Variants in ANK1 observed in about 807,000 individuals in gnomAD.
The protein encoded by ANK1 is ankyrin-1.
A neutral mutation model predicts 210.4 loss-of-function variants in ANK1; 51 were observed. The ratio of observed to expected loss-of-function variants is 0.24; its 90% CI spans 0.19 to 0.31. ANK1 has a LOEUF of 0.31. Ranked by LOEUF, ANK1 falls within the 10% of genes least tolerant of loss-of-function variation. The probability of loss-of-function intolerance (pLI) is 1.00; values close to 1 mark genes in which losing one functional copy is unlikely to be tolerated. For synonymous variants in ANK1, 967 were observed against 1,025.9 expected (o/e 0.94, Z 1.10); for missense variants, 2,051 against 2,504.4 (o/e 0.82, Z 3.86).
Position 41,694,819 on chromosome 8 carries a change from C to T in ANK1, c.3116-16G>A. The T allele has an allele frequency of 6.2e-7, 1 of 1,613,206 alleles. No homozygotes were observed. Among genetic ancestry groups the T allele is most frequent in the Non-Finnish European group, 8.5e-7 (1 of 1,179,462 alleles). On this transcript the variant is annotated splice_polypyrimidine_tract_variant and intron_variant, in intron 27 of 42. Coordinates refer to ENST00000289734, the MANE Select transcript of ANK1 (RefSeq NM_000037.4). This position sits in a 1 kb window ranked among gnomAD's most constrained non-coding sequence, Gnocchi z 5.7. ...CTCCCCAGCTCTGGAATCACACACA[C>T]AGGCCACCACCCCGGTCACATCAGG...
At chr8:41,785,911 C>T (rs1221674358) in intron 1 of ANK1, among the ~76,000 whole-genome samples, 2 of 152,194 alleles carry the variant, frequency 1.3e-5, no homozygotes, top group African/African-American at 2.4e-5. Context: ...TCATGCTTTC[C>T]GCACTGTCGG....
At chr8:41,664,776 G>A (rs1218611146) in intron 39 of ANK1, 1 of 1,576,700 alleles carries the variant, frequency 6.3e-7, no homozygotes, top group Non-Finnish European at 8.6e-7. Flanking sequence ...CACACCACCA[G>A]CCCTGCCGGC....
At chr8:41,815,767 A>G (rs115489277) in intron 1 of ANK1, among the ~76,000 whole-genome samples, 1,991 of 152,296 alleles carry the variant, frequency 0.013, 45 homozygotes, top group African/African-American at 0.046. Flanking sequence ...GTCACATAAC[A>G]TTTGATGACT....
intron 1 of ANK1, among the ~76,000 whole-genome samples, chr8:41,818,302 G>A (rs1187402018): frequency 6.6e-6 from 1 of 152,182 alleles, no homozygotes; most frequent in Non-Finnish European, 1.5e-5. Flanking sequence ...TTCTTCCAGA[G>A]GGTCAGGACC....
chr8:41,715,187 C>A (rs749529847), intron 14 of ANK1, 113 bp from the exon 15 acceptor site: 2 of 995,882 alleles, frequency 2.0e-6, no homozygotes, highest in Non-Finnish European at 3.1e-6. Flanking sequence ...CCAATGAAAG[C>A]AAAGGCACAG....
At chr8:41,657,420 C>G (rs1001954221) in intron 42 of ANK1, among the ~76,000 whole-genome samples, 1 of 152,200 alleles carries the variant, frequency 6.6e-6, no homozygotes, top group Non-Finnish European at 1.5e-5. Flanking sequence ...CACATAGGTG[C>G]TTAGCATTGT....
intron 37 of ANK1, among the ~76,000 whole-genome samples, chr8:41,683,664 T>C (rs1816816150): frequency 6.6e-6 from 1 of 152,104 alleles, no homozygotes; most frequent in African/African-American, 2.4e-5. Context: ...AGGGATCCAA[T>C]CCAACTTGCT....
intron 1 of ANK1, among the ~76,000 whole-genome samples, chr8:41,821,332 T>G (rs1804226009): frequency 6.6e-6 from 1 of 152,250 alleles, no homozygotes; most frequent in Non-Finnish European, 1.5e-5. Context: ...GGATGGTCTA[T>G]TTGTTTATAT....
chr8:41,693,674 C>CT (rs1449646470), intron 29 of ANK1, among the ~76,000 whole-genome samples: 1 of 152,110 alleles, frequency 6.6e-6, no homozygotes, highest in African/African-American at 2.4e-5. Context: ...ATCCACCCGC[C>CT]TTGGCATCCC....
chr8:41,853,480 T>C (rs1404549537), intron 1 of ANK1, among the ~76,000 whole-genome samples: 2 of 152,250 alleles, frequency 1.3e-5, no homozygotes, highest in African/African-American at 4.8e-5. Flanking sequence ...ATGTTTTTCT[T>C]CCTACGGGTA....
intron 42 of ANK1, among the ~76,000 whole-genome samples, chr8:41,659,560 C>G (rs965266105): frequency 1.3e-5 from 2 of 152,158 alleles, no homozygotes; most frequent in Non-Finnish European, 1.5e-5. Flanking sequence ...AATTAGGAAG[C>G]CTTTGGGCCC....
intron 1 of ANK1, among the ~76,000 whole-genome samples, chr8:41,877,744 C>T (rs749989806): frequency 1.3e-5 from 2 of 152,220 alleles, no homozygotes; most frequent in Non-Finnish European, 2.9e-5. Flanking sequence ...CGCTGGAGAG[C>T]AGTCGTCTGG....
rs1457736845 is a variant in ANK1 at position 41,655,015 on chromosome 8, A to G, written c.*775T>C. On this transcript the variant is annotated 3_prime_UTR_variant, in exon 43 of 43. Coordinates refer to ENST00000289734, the MANE Select transcript of ANK1 (RefSeq NM_000037.4). ...GATTTTCCATTGGAAGATGATTCGTATTGAAATTGGCAGAGAGAGAGACAA... is the reference window on the plus strand; with the variant it reads ...GATTTTCCATTGGAAGATGATTCGTGTTGAAATTGGCAGAGAGAGAGACAA... 2.0e-5 allele frequency: 3 copies of G among 152,502 alleles called. No individual in the cohort carries two copies. Among genetic ancestry groups the G allele is most frequent in the Admixed American group, 2.0e-4 (3 of 15,274 alleles). 9.4% of individuals were successfully genotyped at this position (152,502 alleles called of 1,614,324 possible).
At chr8:41,871,967 C>T (rs1356453022) in intron 1 of ANK1, among the ~76,000 whole-genome samples, 2 of 152,150 alleles carry the variant, frequency 1.3e-5, no homozygotes, top group East Asian at 3.9e-4. Flanking sequence ...AGGGTCCGGG[C>T]CAGGCACCCA....
chr8:41,766,143 C>T (rs945271485), intron 1 of ANK1, among the ~76,000 whole-genome samples: 9 of 152,214 alleles, frequency 5.9e-5, no homozygotes, highest in African/African-American at 9.7e-5. Flanking sequence ...CAGCCACTGT[C>T]AGAGCTCTCA....
In ANK1 at chr8:41,708,885, C is replaced by T. The variant is rs1825406258; in HGVS notation, c.1891G>A (p.Glu631Lys). The change falls in exon 17 of 43, where the codon GAG becomes AAG. Residue 631 changes from glutamate (E) to lysine (K), a missense_variant. Physicochemically the swap from Glu to Lys is moderately conservative, Grantham distance 56 (BLOSUM62 1). Around this residue, in one of 6 missense-constraint regions of ANK1, gnomAD observed 1,413 missense variants for 1,707.4 expected, o/e 0.83. Coordinates refer to ENST00000289734, the MANE Select transcript of ANK1 (RefSeq NM_000037.4). ...LLQYGGSANAESVQGVTPLHL... is the reference protein window; with the variant it reads ...LLQYGGSANAKSVQGVTPLHL... ...AGGGGCGTCACACCTTGCACCGACT[C>T]GGCGTTTGCTGAGCCCCCATACTGC... is the stretch of plus-strand genomic sequence containing the variant. 2 of 1,614,134 alleles carry T rather than the reference C, an allele frequency of 1.2e-6. No individual in the cohort carries two copies. Among genetic ancestry groups the T allele is most frequent in the Admixed American group, 1.7e-5 (1 of 60,012 alleles).
At chr8:41,689,237 C>T (rs777278657) in intron 33 of ANK1, among the ~76,000 whole-genome samples, 12 of 152,130 alleles carry the variant, frequency 7.9e-5, no homozygotes, top group Non-Finnish European at 1.6e-4. Flanking sequence ...GATCCTTCTG[C>T]CTCAGCCTCT....
At chr8:41,760,961 T>C (rs1211070949) in intron 1 of ANK1, among the ~76,000 whole-genome samples, 2 of 147,430 alleles carry the variant, frequency 1.4e-5, no homozygotes, top group African/African-American at 4.9e-5. Context: ...GTCCACACTC[T>C]TATCCCTGGA....
At chr8:41,801,191 G>A (rs1392477279), upstream of ANK1, among the ~76,000 whole-genome samples, 2 of 152,118 alleles carry the variant, frequency 1.3e-5, no homozygotes, top group African/African-American at 4.8e-5. Flanking sequence ...ATTCACTGCA[G>A]CCTTGAACTC....
Sources: allele counts gnomAD v4.1 joint callset (sites outside exome capture counted in the v4.1 genomes callset), GRCh38; gene constraint gnomAD v4.1.1; regional missense constraint gnomAD v4.1.1; non-coding constraint Gnocchi (gnomAD v3.1); transcripts MANE v1.5; gene names NCBI Gene and HGNC (gene_info 2026-07-23, HGNC 2026-07-21).